The following DLG3 variants were observed in gnomAD, a reference collection of about 807,000 sequenced individuals.
DLG3 encodes discs large MAGUK scaffold protein 3, also known as disks large homolog 3.
A neutral mutation model predicts 64.1 loss-of-function variants in DLG3; 1 was observed. The observed-to-expected ratio is 0.02, with a 90% CI of 0.01 to 0.07. The LOEUF (loss-of-function observed/expected upper bound fraction) is 0.07. DLG3 is among the 10% of genes least tolerant of loss of function. The pLI is 1.00. For synonymous variants in DLG3, 245 were observed against 259.8 expected, an observed-to-expected ratio of 0.94 and a Z score of 0.55; for missense variants, 429 against 669.5, an observed-to-expected ratio of 0.64 and a Z score of 3.96.
chrX:70,487,851 A>G (rs867419739), intron 10 of DLG3, among the ~76,000 whole-genome samples: 2 of 108,713 alleles, frequency 1.8e-5, no homozygotes, highest in African/African-American at 6.7e-5. Context: ...GGGTTTCTCC[A>G]TGTTGATCAG....
At chrX:70,460,307 A>C (rs988031403) in intron 9 of DLG3, among the ~76,000 whole-genome samples, 4 of 107,372 alleles carry the variant, frequency 3.7e-5, no homozygotes, top group Admixed American at 1.0e-4. Context: ...AAAAAAAAAA[A>C]CTCCCAAATC....
chrX:70,475,802 TC>T (rs1338176174), intron 9 of DLG3, among the ~76,000 whole-genome samples: 1 of 112,178 alleles, frequency 8.9e-6, no homozygotes, highest in Non-Finnish European at 1.9e-5. Flanking sequence ...TCAGCAGCTT[TC>T]TTTGCAGGCA....
At chrX:70,492,351 A>G (rs1602974529) in intron 11 of DLG3, 68 bp downstream of exon 11, 95 of 1,176,689 alleles carry the variant, frequency 8.1e-5, no homozygotes, top group Non-Finnish European at 1.1e-4. Context: ...TTGTTTTCCT[A>G]TTAGAAGTTG....
Position 70,479,158 on chromosome X carries a change from C to A in DLG3, c.1414C>A (p.Arg472Ser). The A allele has an allele frequency of 8.3e-7, 1 of 1,205,745 alleles. No homozygotes were observed. The highest frequency in any genetic ancestry group is 1.1e-6 in the Non-Finnish European group (1 of 890,135). ...VAQYRPEEYS[R>S]FESKIHDLRE... Reference sequence around the variant, plus strand: ...CCTTGTTTCCGTGACAGAATACAGTCGCTTTGAATCGAAGATACATGACTT... The same window carrying A: ...CCTTGTTTCCGTGACAGAATACAGTAGCTTTGAATCGAAGATACATGACTT... Residue 472 changes from arginine (R) to serine (S), a missense_variant, in exon 10 of 19, where the codon CGC becomes AGC. Around this residue, in one of 9 missense-constraint regions of DLG3, gnomAD observed 46 missense variants for 52.3 expected, o/e 0.88. Coordinates refer to ENST00000374360, the MANE Select transcript of DLG3 (RefSeq NM_021120.4).
At chrX:70,499,138 G>A (rs938609334) in intron 14 of DLG3, 38 bp from the exon 15 acceptor site, 1 of 1,038,167 alleles carries the variant, frequency 9.6e-7, no homozygotes, top group Non-Finnish European at 1.4e-6. Context: ...TGTCTGGTGG[G>A]GGCCTCTGTT....
rs746746376 is a variant in DLG3, at chrX:70,504,002, C to T, written c.*1733C>T. 1.1e-3 allele frequency: 120 copies of T among 111,887 alleles called. No homozygotes were observed. The highest frequency in any genetic ancestry group is 4.5e-3 in the Middle Eastern group (1 of 220). 9.2% of individuals were successfully genotyped at this position (111,887 alleles called of 1,213,427 possible). A position where few individuals can be genotyped will look rare whatever the true frequency, so the allele number is the denominator to read the frequency against. ...TGCAAGCGAGGCAATGTTGAGGATG[C>T]TTTAAGCACTACCAGCCGAATCCGG... On this transcript the variant is annotated 3_prime_UTR_variant, in exon 19 of 19. Transcript: ENST00000374360.
rs1255255148 is a variant in DLG3 at position 70,449,297 on chromosome X, C to T, written c.409-62C>T. On this transcript the variant is annotated intron_variant, in intron 2 of 18. Coordinates refer to ENST00000374360, the MANE Select transcript of DLG3 (RefSeq NM_021120.4). ...CTGGGATATAAGGGGAGATGAGGTA[C>T]CCAGAACTCTCCTTTGTGCCCTCAG... is the stretch of plus-strand genomic sequence containing the variant. 10 of 1,202,528 alleles carry T rather than the reference C, an allele frequency of 8.3e-6. No homozygotes were observed. The African/African-American group carries it at 1.2e-4, about 15-fold the overall frequency.
intron 1 of DLG3, among the ~76,000 whole-genome samples, chrX:70,447,129 A>C (rs1169342530): frequency 1.8e-5 from 2 of 110,638 alleles, no homozygotes; most frequent in African/African-American, 6.6e-5. Context: ...AGGCTGGGCC[A>C]GTTGGCCAAG....
rs1270486602 is a variant in DLG3 at position 70,503,398 on chromosome X, TA to T, written c.*1130del. 1.8e-5 allele frequency: 2 copies of T among 111,486 alleles called. No individual in the cohort carries two copies. Among genetic ancestry groups the T allele is most frequent in the African/African-American group, 6.6e-5 (2 of 30,533 alleles). The allele number at this position is 111,486 out of a possible 1,213,427, so 9.2% of individuals were successfully genotyped here. On this transcript the variant is annotated 3_prime_UTR_variant, in exon 19 of 19. Transcript: ENST00000374360. The stretch of plus-strand genomic sequence containing the variant: ...GAAGGAGCCAGGCCTTGTGATGGAG[TA>T]GGTGACACAGGCCTGGTTGTCCTGT...
intron 10 of DLG3, among the ~76,000 whole-genome samples, chrX:70,480,217 C>A (rs2087128524): frequency 8.9e-6 from 1 of 112,329 alleles, no homozygotes; most frequent in Admixed American, 9.4e-5. Flanking sequence ...TTCTAGTGGC[C>A]TCTGATACCT....
intron 9 of DLG3, among the ~76,000 whole-genome samples, chrX:70,463,170 G>A (rs778890829): frequency 2.7e-5 from 3 of 111,099 alleles, no homozygotes; most frequent in South Asian, 3.8e-4. Flanking sequence ...TTTTTGAGAC[G>A]GAGTTTCACT....
intron 7 of DLG3, chrX:70,453,041 C>T (rs776533015): frequency 1.2e-5 from 3 of 253,877 alleles, no homozygotes; most frequent in Non-Finnish European, 2.1e-5. Context: ...TTTTGGGGAC[C>T]TGGGATCCCC....
rs768008766 is a variant in DLG3 at position 70,504,688 on chromosome X, G to A, written c.*2419G>A. 9 of 112,349 alleles carry A rather than the reference G, an allele frequency of 8.0e-5. No homozygotes were observed. Among genetic ancestry groups the A allele is most frequent in the Non-Finnish European group, 1.7e-4 (9 of 53,267 alleles). 9.3% of individuals were successfully genotyped at this position (112,349 alleles called of 1,213,427 possible). On this transcript the variant is annotated 3_prime_UTR_variant, in exon 19 of 19. Transcript: ENST00000374360. The stretch of plus-strand genomic sequence containing the variant: ...GGTGGGAGAGGCCTGCTGTAGCAGA[G>A]GTGTGTGTTAGAGAAAGCAGGGGCC...
intron 12 of DLG3, chrX:70,493,249 G>A: frequency 3.6e-6 from 2 of 552,004 alleles, no homozygotes; most frequent in Non-Finnish European, 6.1e-6. Context: ...GACTCCATTT[G>A]TGAGAGATGG....
chrX:70,466,033 A>C (rs1317257882), intron 9 of DLG3, among the ~76,000 whole-genome samples: 1 of 111,613 alleles, frequency 9.0e-6, no homozygotes, highest in East Asian at 2.8e-4. Context: ...AACATACTTA[A>C]GGTTTTTGAT....
chrX:70,477,984 G>T (rs1325436010), intron 9 of DLG3, among the ~76,000 whole-genome samples: 1 of 111,553 alleles, frequency 9.0e-6, no homozygotes, highest in Non-Finnish European at 1.9e-5. Context: ...TATGGTGCAC[G>T]AAATTGCTTT....
At position 70,497,536 on chromosome X, in the gene DLG3, G is replaced by A. The variant is rs1335273281; in HGVS notation, c.1820-984G>A. On this transcript the variant is annotated intron_variant, in intron 13 of 18. Transcript: ENST00000374360. ...TACTGTGGGCCATAGGTGCTGCCAG[G>A]TTTATAGATTTGCTCAGAGACCAAA... Among the ~76,000 whole-genome samples, 3 of 112,407 alleles carry A rather than the reference G, an allele frequency of 2.7e-5. No individual in the cohort carries two copies. The East Asian group carries it at 8.4e-4, about 31-fold the overall frequency.
chrX:70,480,849 C>G (rs1220167723), intron 10 of DLG3, among the ~76,000 whole-genome samples: 1 of 112,192 alleles, frequency 8.9e-6, no homozygotes, highest in Non-Finnish European at 1.9e-5. Flanking sequence ...TTAGAGTTCT[C>G]TCTGCCTGGG....
intron 9 of DLG3, among the ~76,000 whole-genome samples, chrX:70,467,221 T>G (rs1238688995): frequency 8.9e-6 from 1 of 112,263 alleles, no homozygotes; most frequent in East Asian, 2.8e-4. Context: ...CCTGGCCTGT[T>G]TTTGTGTTTA....
Sources: gnomAD v4.1 joint callset for allele counts (sites outside exome capture counted in the v4.1 genomes callset) on GRCh38, gnomAD v4.1.1 for gene constraint, gnomAD v4.1.1 regional missense constraint, MANE v1.5 for transcripts, NCBI Gene and HGNC (gene_info 2026-07-23, HGNC 2026-07-21) for gene names.